F13A1: variants seen among roughly 807,000 people sequenced by gnomAD.
The protein encoded by F13A1 is coagulation factor XIII A chain.
F13A1 carries 47 observed loss-of-function variants against 80.1 expected under a neutral mutation model. That is an observed-to-expected ratio of 0.59 (90% CI 0.46 to 0.75). F13A1 has a LOEUF of 0.75. F13A1 is among the 30% of genes least tolerant of loss of function. The pLI is 0.00. For synonymous variants in F13A1, 349 were observed against 344.9 expected, an observed-to-expected ratio of 1.01 and a Z score of -0.13; for missense variants, 817 against 930.4, an observed-to-expected ratio of 0.88 and a Z score of 1.59.
intron 2 of F13A1, among the ~76,000 whole-genome samples, chr6:6,308,825 T>C (rs1758550952): frequency 1.3e-5 from 2 of 151,858 alleles, no homozygotes; most frequent in Admixed American, 6.6e-5. Flanking sequence ...GGTTTCACTA[T>C]ATTGGTCAGG....
chr6:6,289,576 A>AT (rs369786050), intron 3 of F13A1, among the ~76,000 whole-genome samples: 4 of 152,076 alleles, frequency 2.6e-5, no homozygotes, highest in Non-Finnish European at 4.4e-5. Flanking sequence ...TATTAGTGAG[A>AT]TTTTTTTCCC....
At chr6:6,319,738 A>AGCACTAACGACATGTGGG (rs1228448139) in intron 1 of F13A1, among the ~76,000 whole-genome samples, 1 of 152,196 alleles carries the variant, frequency 6.6e-6, no homozygotes, top group Admixed American at 6.5e-5. Context: ...AGACATGTGG[A>AGCACTAACGACATGTGGG]GCACTAACAA....
At chr6:6,146,964 C>T (rs1760292725) in intron 14 of F13A1, among the ~76,000 whole-genome samples, 2 of 152,160 alleles carry the variant, frequency 1.3e-5, no homozygotes, top group Non-Finnish European at 2.9e-5. Flanking sequence ...CCATGGAATA[C>T]TACTCAGCCA....
At chr6:6,270,340 A>G (rs1757904579) in intron 3 of F13A1, among the ~76,000 whole-genome samples, 1 of 152,202 alleles carries the variant, frequency 6.6e-6, no homozygotes, top group Non-Finnish European at 1.5e-5. Flanking sequence ...AAACATCTGT[A>G]CTACTAGTAG....
At position 6,300,349 on chromosome 6, in the gene F13A1, C is replaced by T. The variant is rs984052416; in HGVS notation, c.319+5002G>A. On this transcript the variant is annotated intron_variant, in intron 3 of 14. Coordinates refer to ENST00000264870, the MANE Select transcript of F13A1 (RefSeq NM_000129.4). ...GGCGCCCCTCCCCCAGCCTCTCTGC[C>T]GCCTTGCAGTTTGATCTCAGACTGC... Among the ~76,000 whole-genome samples, 29 of 151,158 alleles carry T rather than the reference C, an allele frequency of 1.9e-4. 1 individual carries two copies. The highest frequency in any genetic ancestry group is 6.7e-4 in the African/African-American group (27 of 40,494).
At chr6:6,275,481 T>G (rs1757976100) in intron 3 of F13A1, among the ~76,000 whole-genome samples, 1 of 152,184 alleles carries the variant, frequency 6.6e-6, no homozygotes, top group Non-Finnish European at 1.5e-5. Flanking sequence ...GCGATTCTCC[T>G]GCCTCAGCCT....
At chr6:6,271,950 T>C (rs971926349) in intron 3 of F13A1, among the ~76,000 whole-genome samples, 3 of 152,250 alleles carry the variant, frequency 2.0e-5, no homozygotes, top group African/African-American at 7.2e-5. Context: ...ATTCCATTTG[T>C]GATGTTACTC....
intron 3 of F13A1, among the ~76,000 whole-genome samples, chr6:6,294,117 T>C (rs1561681727): frequency 6.6e-6 from 1 of 152,190 alleles, no homozygotes; most frequent in East Asian, 1.9e-4. Flanking sequence ...AAAAAAAGTT[T>C]TTTTAAGTAT....
At chr6:6,164,563 A>C (rs1429554190) in intron 13 of F13A1, among the ~76,000 whole-genome samples, 1 of 152,054 alleles carries the variant, frequency 6.6e-6, no homozygotes, top group Non-Finnish European at 1.5e-5. Flanking sequence ...TGTTTTATAC[A>C]ATTTATCTGA....
At chr6:6,289,893 T>C (rs182441896) in intron 3 of F13A1, among the ~76,000 whole-genome samples, 5 of 152,252 alleles carry the variant, frequency 3.3e-5, no homozygotes, top group Admixed American at 3.3e-4. Flanking sequence ...CCGCCTCAAA[T>C]AGCACTTTCT....
chr6:6,206,643 A>G (rs762968905), intron 8 of F13A1: 13 of 463,112 alleles, frequency 2.8e-5, no homozygotes, highest in East Asian at 1.3e-4. Flanking sequence ...GTGATTTCCA[A>G]CCTTCAAAGA....
At chr6:6,183,381 G>T (rs150178135) in intron 10 of F13A1, among the ~76,000 whole-genome samples, 4 of 152,148 alleles carry the variant, frequency 2.6e-5, no homozygotes, top group African/African-American at 9.7e-5. Context: ...GAATAGTATT[G>T]CCAGATATTG....
At chr6:6,210,346 TA>T (rs1761583570) in intron 8 of F13A1, among the ~76,000 whole-genome samples, 1 of 137,446 alleles carries the variant, frequency 7.3e-6, no homozygotes, top group African/African-American at 2.7e-5. Context: ...TATATATATA[TA>T]TTTCTTTTTT....
chr6:6,184,412 G>T (rs960982897), intron 10 of F13A1, among the ~76,000 whole-genome samples: 1 of 152,214 alleles, frequency 6.6e-6, no homozygotes, highest in Non-Finnish European at 1.5e-5. Flanking sequence ...ATTTCTGAGG[G>T]TGATAAACGG....
intron 4 of F13A1, among the ~76,000 whole-genome samples, chr6:6,257,876 A>G (rs920253773): frequency 9.9e-5 from 15 of 152,224 alleles, no homozygotes; most frequent in Non-Finnish European, 7.3e-5. Flanking sequence ...TCATGAAGCA[A>G]TTCTACAAAG....
intron 4 of F13A1, among the ~76,000 whole-genome samples, chr6:6,254,179 G>T (rs1583096386): frequency 6.6e-6 from 1 of 151,648 alleles, no homozygotes; most frequent in East Asian, 1.9e-4. Flanking sequence ...AGGGTATGAA[G>T]AGATGGATAC....
chr6:6,174,978 G>T, intron 11 of F13A1, 111 bp from the exon 12 acceptor site: 1 of 1,280,904 alleles, frequency 7.8e-7, no homozygotes, highest in Non-Finnish European at 1.1e-6. Flanking sequence ...TATAATACAA[G>T]CTTCAGACCT....
chr6:6,315,553 A>T (rs958051683), intron 2 of F13A1, among the ~76,000 whole-genome samples: 4 of 152,228 alleles, frequency 2.6e-5, no homozygotes, highest in Non-Finnish European at 2.9e-5. Flanking sequence ...TACCAAAGCC[A>T]TGACTTAAGG....
In F13A1 at chr6:6,266,954, G is replaced by C. The variant is rs1273123326; in HGVS notation, c.320-145C>G. On this transcript the variant is annotated intron_variant, in intron 3 of 14. Transcript: ENST00000264870. ...AGAAACATACAAATCAGGCAAGTCT[G>C]CAAATTACTTTGATTGTAAGCAGGA... The C allele has an allele frequency of 3.7e-5, 44 of 1,197,584 alleles. No homozygotes were observed. In the Admixed American group the frequency reaches 8.2e-4, roughly 22 times the overall value. 74.2% of individuals were successfully genotyped at this position (1,197,584 alleles called of 1,614,324 possible).
Sources: allele counts gnomAD v4.1 joint callset (sites outside exome capture counted in the v4.1 genomes callset), GRCh38; gene constraint gnomAD v4.1.1; transcripts MANE v1.5; gene names NCBI Gene and HGNC (gene_info 2026-07-23, HGNC 2026-07-21).